TENM2: variants seen among roughly 807,000 people sequenced by gnomAD.
TENM2 encodes teneurin transmembrane protein 2.
Under a neutral mutation model 245.2 loss-of-function variants are expected in TENM2, and 52 were observed. The ratio of observed to expected loss-of-function variants is 0.21; its 90% CI spans 0.17 to 0.27. TENM2 has a LOEUF of 0.27. Among genes scored for constraint, TENM2 ranks in the 10% least tolerant of loss-of-function variants. The pLI is 1.00. For missense variants in TENM2, 3,046 were observed against 3,666.8 expected, an observed-to-expected ratio of 0.83 and a Z score of 4.37; for synonymous variants, 1,363 against 1,438.9, an observed-to-expected ratio of 0.95 and a Z score of 1.19.
intron 3 of TENM2, among the ~76,000 whole-genome samples, chr5:167,926,882 A>G (rs538823429): frequency 6.6e-6 from 1 of 152,330 alleles, no homozygotes; most frequent in African/African-American, 2.4e-5. Flanking sequence ...GAAACTGGAC[A>G]AAGAGTACTT....
chr5:167,952,280 G>T (rs897807194), intron 3 of TENM2: 21 of 480,368 alleles, frequency 4.4e-5, no homozygotes, highest in African/African-American at 3.7e-4. Context: ...TGAATGTCAT[G>T]TTACTTTCAT....
intron 2 of TENM2, among the ~76,000 whole-genome samples, chr5:167,438,558 A>AT (rs1275146530): frequency 4.0e-5 from 6 of 149,396 alleles, no homozygotes; most frequent in East Asian, 2.1e-4. Flanking sequence ...CGCCTGGCTA[A>AT]TTTTTTTCTT....
chr5:167,446,822 C>CACAT (rs1554155145), intron 2 of TENM2, among the ~76,000 whole-genome samples: 2 of 151,642 alleles, frequency 1.3e-5, no homozygotes, highest in Non-Finnish European at 2.9e-5. Flanking sequence ...CACACACACA[C>CACAT]ACACAGACAT....
At chr5:167,068,379 A>C in the TENM2 span, among the ~76,000 whole-genome samples, 1 of 152,210 alleles carries the variant, frequency 6.6e-6, no homozygotes, top group African/African-American at 2.4e-5. Context: ...GTAGAAAATA[A>C]TGTGAGCCAC....
chr5:167,929,059 G>A (rs5006657), intron 3 of TENM2, among the ~76,000 whole-genome samples: 26 of 77,428 alleles, frequency 3.4e-4, no homozygotes, highest in African/African-American at 1.0e-3. Context: ...GAAAGAAAGA[G>A]AGAAAGAAAG....
At chr5:167,238,684 A>G in the TENM2 span, among the ~76,000 whole-genome samples, 1 of 149,094 alleles carries the variant, frequency 6.7e-6, no homozygotes, top group African/African-American at 2.5e-5. Flanking sequence ...TCCTTGTAAT[A>G]CAGGAGATGC....
chr5:168,052,075 C>G (rs529319301), intron 6 of TENM2, among the ~76,000 whole-genome samples: 3 of 152,072 alleles, frequency 2.0e-5, no homozygotes, highest in African/African-American at 7.2e-5. Flanking sequence ...GCCTGGGCAA[C>G]AAAGTGAGAC....
At chr5:167,472,563 A>C (rs1299665633) in intron 2 of TENM2, among the ~76,000 whole-genome samples, 3 of 152,172 alleles carry the variant, frequency 2.0e-5, no homozygotes, top group African/African-American at 7.2e-5. Flanking sequence ...GGAACAGAAA[A>C]GGTCTTGCCT....
chr5:167,381,951 A>G (rs910123664), intron 2 of TENM2, among the ~76,000 whole-genome samples: 5 of 152,192 alleles, frequency 3.3e-5, no homozygotes, highest in African/African-American at 7.2e-5. Context: ...ATTACAATCA[A>G]TTTAATTTGG....
At chr5:167,925,752 C>A (rs1248640730) in intron 3 of TENM2, among the ~76,000 whole-genome samples, 1 of 152,222 alleles carries the variant, frequency 6.6e-6, no homozygotes, top group Non-Finnish European at 1.5e-5. Context: ...GGTACATATA[C>A]ACCATGGAAT....
At chr5:168,167,613 A>G (rs191498456) in intron 13 of TENM2, among the ~76,000 whole-genome samples, 2 of 152,274 alleles carry the variant, frequency 1.3e-5, no homozygotes, top group Admixed American at 1.3e-4. Flanking sequence ...TTTCTTCCTT[A>G]CTAAACTAGG....
chr5:167,665,674 G>A (rs962637653), intron 2 of TENM2, among the ~76,000 whole-genome samples: 17 of 152,012 alleles, frequency 1.1e-4, no homozygotes, highest in Non-Finnish European at 1.9e-4. Flanking sequence ...ATATTTGGTC[G>A]CTGGGTTTCC....
At chr5:167,984,897 C>G (rs1438865617) in intron 4 of TENM2, among the ~76,000 whole-genome samples, 1 of 151,998 alleles carries the variant, frequency 6.6e-6, no homozygotes, top group African/African-American at 2.4e-5. Context: ...GTCTCAGGAC[C>G]CTGCCCCTTG....
chr5:167,196,553 T>C, the TENM2 span, among the ~76,000 whole-genome samples: 1 of 150,004 alleles, frequency 6.7e-6, no homozygotes. Context: ...TGTGTGTATA[T>C]ATATATGTGT....
chr5:167,117,468 A>G, the TENM2 span, among the ~76,000 whole-genome samples: 1 of 152,088 alleles, frequency 6.6e-6, no homozygotes, highest in African/African-American at 2.4e-5. Context: ...GCACCCCTGC[A>G]CTCCAGCCTG....
chr5:167,383,364 A>T (rs1005915850), intron 2 of TENM2, among the ~76,000 whole-genome samples: 2 of 152,066 alleles, frequency 1.3e-5, no homozygotes, highest in African/African-American at 4.8e-5. Flanking sequence ...TGCCCTTTAA[A>T]GCCTTGGATC....
chr5:167,940,090 G>C (rs1281524693), intron 3 of TENM2, among the ~76,000 whole-genome samples: 2 of 152,088 alleles, frequency 1.3e-5, no homozygotes, highest in Admixed American at 6.5e-5. Flanking sequence ...GCATGAGATA[G>C]AGCTGTGTTT....
intron 2 of TENM2, among the ~76,000 whole-genome samples, chr5:167,783,437 A>G (rs1195974162): frequency 6.6e-6 from 1 of 152,158 alleles, no homozygotes; most frequent in Non-Finnish European, 1.5e-5. Context: ...CCAGAGTACA[A>G]TATTTCAGAA....
chr5:167,919,333 G>A (rs995517380), intron 3 of TENM2, among the ~76,000 whole-genome samples: 3 of 152,138 alleles, frequency 2.0e-5, no homozygotes, highest in Non-Finnish European at 2.9e-5. Context: ...AAGTGCTGGC[G>A]AATGTTAATT....
Sources: gnomAD v4.1 joint callset for allele counts (sites outside exome capture counted in the v4.1 genomes callset) on GRCh38, gnomAD v4.1.1 for gene constraint, MANE v1.5 for transcripts, NCBI Gene and HGNC (gene_info 2026-07-23, HGNC 2026-07-21) for gene names.